Variants in TENM3 observed in about 807,000 individuals in gnomAD.
TENM3 encodes teneurin-3.
Under a neutral mutation model 255.1 loss-of-function variants are expected in TENM3, and 63 were observed. The ratio of observed to expected loss-of-function variants is 0.25; its 90% CI spans 0.20 to 0.30. The LOEUF (loss-of-function observed/expected upper bound fraction) is 0.30. TENM3 is among the 10% of genes least tolerant of loss of function. The probability of loss-of-function intolerance (pLI) is 1.00; values close to 1 mark genes in which losing one functional copy is unlikely to be tolerated. For synonymous variants in TENM3, 1,306 were observed against 1,322.3 expected (o/e 0.99, Z 0.27); for missense variants, 2,929 against 3,461.1 (o/e 0.85, Z 3.86).
At chr4:182,471,750 G>A (rs10015290) in intron 3 of TENM3, among the ~76,000 whole-genome samples, 1 of 151,722 alleles carries the variant, frequency 6.6e-6, no homozygotes, top group Non-Finnish European at 1.5e-5. Context: ...GAAATAATCC[G>A]AGGTGAATAG....
intron 3 of TENM3, among the ~76,000 whole-genome samples, chr4:182,464,201 A>G (rs1016098705): frequency 1.3e-4 from 19 of 151,502 alleles, no homozygotes; most frequent in Admixed American, 1.2e-3. Context: ...CTATTCAGCT[A>G]TGAGTCAAAG....
At chr4:182,194,720 T>C (rs1319002817) in intron 1 of TENM3, among the ~76,000 whole-genome samples, 2 of 152,206 alleles carry the variant, frequency 1.3e-5, no homozygotes, top group Non-Finnish European at 2.9e-5. Context: ...GGGAGACAAG[T>C]GAAGTTTGAG....
intron 3 of TENM3, among the ~76,000 whole-genome samples, chr4:182,380,975 C>T (rs1331465246): frequency 6.6e-6 from 1 of 152,194 alleles, no homozygotes; most frequent in African/African-American, 2.4e-5. Context: ...GGTGGTCTGG[C>T]TTATGGGATG....
At chr4:182,265,869 A>C (rs557433072) in intron 1 of TENM3, among the ~76,000 whole-genome samples, 1 of 152,370 alleles carries the variant, frequency 6.6e-6, no homozygotes, top group South Asian at 2.1e-4. Context: ...GAGAAATAAA[A>C]ACAGCTTTAA....
At chr4:182,689,399 G>T (rs1185036664) in intron 12 of TENM3, among the ~76,000 whole-genome samples, 2 of 152,164 alleles carry the variant, frequency 1.3e-5, no homozygotes, top group African/African-American at 4.8e-5. Flanking sequence ...GAAATCATAT[G>T]TGTCTTATAA....
Position 182,793,891 on chromosome 4 carries a change from C to T in TENM3, c.7213+6C>T. ...CGTGAAAGATTACATCACAGGTAAGCATTTTGATTCCTTCCCAAGAGCTGG... is the reference window on the plus strand; with the variant it reads ...CGTGAAAGATTACATCACAGGTAAGTATTTTGATTCCTTCCCAAGAGCTGG... On this transcript the variant is annotated splice_donor_region_variant and intron_variant, in intron 26 of 27. Transcript: ENST00000511685. This position sits in a 1 kb window ranked among gnomAD's most constrained non-coding sequence, Gnocchi z 5.7. 1 of 1,585,940 alleles carries T rather than the reference C, an allele frequency of 6.3e-7. No individual in the cohort carries two copies. The highest frequency in any genetic ancestry group is 1.8e-5 in the Admixed American group (1 of 56,240).
chr4:181,898,223 GA>G, the TENM3 span, among the ~76,000 whole-genome samples: 1 of 151,500 alleles, frequency 6.6e-6, no homozygotes, highest in African/African-American at 2.4e-5. Context: ...TATAATCTTT[GA>G]AAAAAACAGT....
At chr4:182,301,235 T>C (rs1026008735) in intron 1 of TENM3, among the ~76,000 whole-genome samples, 2 of 152,234 alleles carry the variant, frequency 1.3e-5, no homozygotes, top group African/African-American at 4.8e-5. Flanking sequence ...GCTTACACTG[T>C]TCCATCACCC....
At chr4:181,624,359 G>A in the TENM3 span, among the ~76,000 whole-genome samples, 1 of 152,200 alleles carries the variant, frequency 6.6e-6, no homozygotes, top group Non-Finnish European at 1.5e-5. Context: ...AATTTCAATG[G>A]CCGAAGTAAA....
the TENM3 span, among the ~76,000 whole-genome samples, chr4:181,794,207 G>A: frequency 8.6e-4 from 130 of 152,036 alleles, no homozygotes; most frequent in African/African-American, 2.9e-3. Context: ...TATACACACT[G>A]CAAAGTCACT....
At chr4:181,471,660 A>C in the TENM3 span, among the ~76,000 whole-genome samples, 1 of 152,196 alleles carries the variant, frequency 6.6e-6, no homozygotes, top group Non-Finnish European at 1.5e-5. Context: ...ACCCCATTGG[A>C]TACTTGTAGC....
At chr4:181,597,603 T>A in the TENM3 span, among the ~76,000 whole-genome samples, 3 of 152,236 alleles carry the variant, frequency 2.0e-5, no homozygotes, top group African/African-American at 7.2e-5. Context: ...GAATGTCACG[T>A]ATTGCCTAAT....
chr4:182,669,550 G>GTGA (rs1005726047), intron 6 of TENM3, among the ~76,000 whole-genome samples: 1 of 152,060 alleles, frequency 6.6e-6, no homozygotes, highest in Non-Finnish European at 1.5e-5. Context: ...GATTACAGGC[G>GTGA]TGAGCCACCA....
chr4:182,514,685 A>T (rs1374667759), intron 3 of TENM3, among the ~76,000 whole-genome samples: 1 of 152,150 alleles, frequency 6.6e-6, no homozygotes. Context: ...AAGCCACTAA[A>T]TTGAGTTCAT....
the TENM3 span, among the ~76,000 whole-genome samples, chr4:181,728,079 A>G: frequency 1.3e-5 from 2 of 152,224 alleles, no homozygotes; most frequent in Admixed American, 6.5e-5. Flanking sequence ...AGAGTCTGTA[A>G]TAGACTCATG....
the TENM3 span, among the ~76,000 whole-genome samples, chr4:181,845,155 T>C: frequency 1.3e-5 from 2 of 152,214 alleles, no homozygotes; most frequent in African/African-American, 4.8e-5. Context: ...TGGGAATTGT[T>C]TTCTACGAAA....
the TENM3 span, among the ~76,000 whole-genome samples, chr4:181,857,571 A>AC: frequency 2.1e-4 from 24 of 114,548 alleles, no homozygotes; most frequent in Non-Finnish European, 3.1e-4. Flanking sequence ...AAAAAAAAAA[A>AC]AAAACAAAAC....
At chr4:181,544,286 T>G in the TENM3 span, among the ~76,000 whole-genome samples, 2 of 151,784 alleles carry the variant, frequency 1.3e-5, no homozygotes, top group Admixed American at 1.3e-4. Context: ...ATTGTGTCTT[T>G]TAAAAATAAA....
intron 3 of TENM3, among the ~76,000 whole-genome samples, chr4:182,543,933 G>A (rs55762345): frequency 0.19 from 28,483 of 151,924 alleles, 3,507 homozygotes; most frequent in African/African-American, 0.34. Context: ...TTAAATAGAC[G>A]AAGGAGGTTG....
Sources: allele counts gnomAD v4.1 joint callset (sites outside exome capture counted in the v4.1 genomes callset), GRCh38; gene constraint gnomAD v4.1.1; non-coding constraint Gnocchi (gnomAD v3.1); transcripts MANE v1.5; gene names NCBI Gene and HGNC (gene_info 2026-07-23, HGNC 2026-07-21).